MTCL3: variants seen among roughly 807,000 people sequenced by gnomAD.
MTCL3 encodes the protein MTCL family member 3, also known as microtubule cross-linking factor 3.
the MTCL3 span, among the ~76,000 whole-genome samples, chr6:127,479,591 A>C: frequency 6.6e-6 from 1 of 152,214 alleles, no homozygotes; most frequent in Non-Finnish European, 1.5e-5. Flanking sequence ...ATATTAAGCA[A>C]ATAAAAAAGA....
At chr6:127,487,166 C>T in the MTCL3 span, among the ~76,000 whole-genome samples, 1 of 152,124 alleles carries the variant, frequency 6.6e-6, no homozygotes, top group African/African-American at 2.4e-5. Flanking sequence ...GTGTTAGAAC[C>T]AGGATGCAAA....
At chr6:127,505,843 T>C in the MTCL3 span, among the ~76,000 whole-genome samples, 261 of 152,276 alleles carry the variant, frequency 1.7e-3, 1 homozygote, top group African/African-American at 5.8e-3. Context: ...ATGGCCACAC[T>C]ACACCAGGCA....
the MTCL3 span, among the ~76,000 whole-genome samples, chr6:127,482,315 T>C: frequency 6.6e-6 from 1 of 152,230 alleles, no homozygotes. The surrounding 1 kb of genome is among the most constrained non-coding windows in gnomAD (Gnocchi z 4.1). Flanking sequence ...TTTTAAAATC[T>C]TCTTCATTAC....
chr6:127,514,670 T>C, the MTCL3 span, among the ~76,000 whole-genome samples: 1 of 152,230 alleles, frequency 6.6e-6, no homozygotes, highest in South Asian at 2.1e-4. Flanking sequence ...CTCTCCCTTC[T>C]GAGACCCTAG....
chr6:127,485,184 A>T, the MTCL3 span, among the ~76,000 whole-genome samples: 1 of 152,194 alleles, frequency 6.6e-6, no homozygotes. Context: ...ATCTAGGGCT[A>T]GAGATGGTGT....
At chr6:127,476,270 C>T in the MTCL3 span, 1 of 1,614,186 alleles carries the variant, frequency 6.2e-7, no homozygotes, top group Non-Finnish European at 8.5e-7. This position sits in a 1 kb window ranked among gnomAD's most constrained non-coding sequence, Gnocchi z 4.4. Flanking sequence ...AGCTTGAGCT[C>T]GGCCTCCCTA....
the MTCL3 span, chr6:127,515,182 G>C: frequency 1.2e-6 from 1 of 845,896 alleles, no homozygotes; most frequent in East Asian, 2.5e-5. The surrounding 1 kb of genome is among the most constrained non-coding windows in gnomAD (Gnocchi z 4.3). Flanking sequence ...GAGTGACAAG[G>C]AGCTGAGTAC....
the MTCL3 span, among the ~76,000 whole-genome samples, chr6:127,498,311 T>C: frequency 2.0e-5 from 3 of 152,122 alleles, no homozygotes; most frequent in Admixed American, 2.0e-4. Flanking sequence ...AAATAAGATA[T>C]ATGAGTGCAC....
the MTCL3 span, among the ~76,000 whole-genome samples, chr6:127,489,955 A>G: frequency 1.2e-4 from 18 of 152,252 alleles, no homozygotes; most frequent in Non-Finnish European, 2.2e-4. Context: ...CTTCTATTGG[A>G]AGAAGATGCC....
the MTCL3 span, among the ~76,000 whole-genome samples, chr6:127,488,702 C>T: frequency 2.0e-5 from 3 of 152,144 alleles, no homozygotes; most frequent in South Asian, 2.1e-4. Flanking sequence ...ATGTCTTAGG[C>T]TTTTCAACAA....
At chr6:127,498,857 T>C in the MTCL3 span, among the ~76,000 whole-genome samples, 3 of 152,092 alleles carry the variant, frequency 2.0e-5, no homozygotes, top group Non-Finnish European at 4.4e-5. Context: ...ATATGAGATA[T>C]TCAGAAAATA....
the MTCL3 span, chr6:127,482,791 T>C: frequency 3.1e-6 from 2 of 653,850 alleles, no homozygotes; most frequent in African/African-American, 3.7e-5. The surrounding 1 kb of genome is among the most constrained non-coding windows in gnomAD (Gnocchi z 4.1). Flanking sequence ...ATAATTGATA[T>C]GCAAATTTGA....
the MTCL3 span, among the ~76,000 whole-genome samples, chr6:127,495,196 C>CA: frequency 1.7e-3 from 240 of 137,392 alleles, no homozygotes; most frequent in East Asian, 8.0e-3. Flanking sequence ...GACTCCATCT[C>CA]AAAAAAAAAA....
the MTCL3 span, among the ~76,000 whole-genome samples, chr6:127,479,647 GA>G: frequency 6.6e-6 from 1 of 152,160 alleles, no homozygotes; most frequent in Admixed American, 6.5e-5. Context: ...CCAAAGGAAT[GA>G]AAACAACAAT....
the MTCL3 span, among the ~76,000 whole-genome samples, chr6:127,504,645 A>G: frequency 2.0e-5 from 3 of 152,088 alleles, no homozygotes; most frequent in Admixed American, 1.3e-4. Flanking sequence ...TGCCCTGAGA[A>G]TCTCTTAAGG....
At chr6:127,513,004 C>T in the MTCL3 span, 1 of 1,611,812 alleles carries the variant, frequency 6.2e-7, no homozygotes, top group Non-Finnish European at 8.5e-7. Flanking sequence ...TTTTCTTCCA[C>T]ATTTTCTAAT....
At chr6:127,475,940 C>T in the MTCL3 span, 1 of 1,612,694 alleles carries the variant, frequency 6.2e-7, no homozygotes, top group Non-Finnish European at 8.5e-7. The surrounding 1 kb of genome is among the most constrained non-coding windows in gnomAD (Gnocchi z 7.3). Flanking sequence ...TCGGTCTTGG[C>T]GTTGTCGTGG....
chr6:127,480,750 C>T, the MTCL3 span, among the ~76,000 whole-genome samples: 2 of 152,136 alleles, frequency 1.3e-5, no homozygotes, highest in Non-Finnish European at 2.9e-5. Context: ...GGTATATTTT[C>T]AGTAATACAA....
the MTCL3 span, among the ~76,000 whole-genome samples, chr6:127,507,792 G>A: frequency 7.2e-6 from 1 of 138,112 alleles, no homozygotes; most frequent in Non-Finnish European, 1.5e-5. Context: ...GCAGTGAGCC[G>A]AGATTGCACC....
Sources: allele counts gnomAD v4.1 joint callset (sites outside exome capture counted in the v4.1 genomes callset), GRCh38; gene constraint gnomAD v4.1.1; non-coding constraint Gnocchi (gnomAD v3.1); transcripts MANE v1.5; gene names NCBI Gene and HGNC (gene_info 2026-07-23, HGNC 2026-07-21).